The following MDGA2 variants were observed in gnomAD, a reference collection of about 807,000 sequenced individuals.
MDGA2 encodes MAM domain containing glycosylphosphatidylinositol anchor 2, also known as MAM domain-containing glycosylphosphatidylinositol anchor protein 2.
Under a neutral mutation model 117.8 loss-of-function variants are expected in MDGA2, and 40 were observed. The ratio of observed to expected loss-of-function variants is 0.34; its 90% CI spans 0.26 to 0.44. MDGA2 has a LOEUF of 0.44. Among genes scored for constraint, MDGA2 ranks in the 20% least tolerant of loss-of-function variants. The pLI is 1.00. For synonymous variants in MDGA2, 452 were observed against 439.0 expected (o/e 1.03, Z -0.37); for missense variants, 1,123 against 1,250.6 (o/e 0.90, Z 1.54).
intron 3 of MDGA2, among the ~76,000 whole-genome samples, chr14:47,215,345 A>G (rs1226950165): frequency 6.6e-6 from 1 of 152,172 alleles, no homozygotes; most frequent in Non-Finnish European, 1.5e-5. Context: ...AAGGATTATA[A>G]TTCAATTTTA....
At chr14:47,607,582 T>C (rs1235905702) in intron 1 of MDGA2, among the ~76,000 whole-genome samples, 1 of 152,062 alleles carries the variant, frequency 6.6e-6, no homozygotes, top group Non-Finnish European at 1.5e-5. Context: ...TTTTGGTTCA[T>C]AACATACAAG....
At chr14:47,542,029 G>T (rs561695145) in intron 1 of MDGA2, among the ~76,000 whole-genome samples, 1 of 152,076 alleles carries the variant, frequency 6.6e-6, no homozygotes, top group South Asian at 2.1e-4. Context: ...AACACAAAAG[G>T]GAAAGAAGAA....
At chr14:47,639,698 C>T (rs894516283) in intron 1 of MDGA2, among the ~76,000 whole-genome samples, 2 of 152,038 alleles carry the variant, frequency 1.3e-5, no homozygotes, top group Non-Finnish European at 1.5e-5. Flanking sequence ...CCATGTGTTT[C>T]CCAGTTCAGC....
At chr14:47,385,495 G>C (rs1397366608) in intron 1 of MDGA2, among the ~76,000 whole-genome samples, 1 of 151,994 alleles carries the variant, frequency 6.6e-6, no homozygotes, top group Admixed American at 6.6e-5. Context: ...ATGGCAAATA[G>C]GACATTGTTT....
chr14:47,616,064 GAT>G (rs1328281824), intron 1 of MDGA2, among the ~76,000 whole-genome samples: 2 of 152,192 alleles, frequency 1.3e-5, no homozygotes, highest in Non-Finnish European at 2.9e-5. Context: ...GAGGAAGAGA[GAT>G]CAGGACCACA....
chr14:47,103,934 C>A (rs186882593), intron 5 of MDGA2, among the ~76,000 whole-genome samples: 1 of 152,060 alleles, frequency 6.6e-6, no homozygotes, highest in Non-Finnish European at 1.5e-5. Flanking sequence ...GATATATCAG[C>A]GAACAAAAGA....
chr14:47,269,280 T>C (rs1009318309), intron 2 of MDGA2, among the ~76,000 whole-genome samples: 3 of 152,176 alleles, frequency 2.0e-5, no homozygotes, highest in Non-Finnish European at 4.4e-5. Context: ...AAACGATCCA[T>C]GGTCATCATT....
At chr14:47,316,951 A>G (rs1220483141) in intron 1 of MDGA2, among the ~76,000 whole-genome samples, 1 of 152,116 alleles carries the variant, frequency 6.6e-6, no homozygotes, top group African/African-American at 2.4e-5. Flanking sequence ...ATTTTGACAT[A>G]TATCAAACTT....
chr14:47,571,260 G>A (rs1005995932), intron 1 of MDGA2, among the ~76,000 whole-genome samples: 3 of 152,186 alleles, frequency 2.0e-5, no homozygotes, highest in African/African-American at 4.8e-5. Flanking sequence ...AACAATAGAT[G>A]CTGGAGAAGA....
At chr14:47,555,910 TG>T (rs1366820610) in intron 1 of MDGA2, among the ~76,000 whole-genome samples, 1 of 152,196 alleles carries the variant, frequency 6.6e-6, no homozygotes, top group Non-Finnish European at 1.5e-5. Flanking sequence ...TAGCCATCAG[TG>T]AGAGCAAACT....
intron 1 of MDGA2, among the ~76,000 whole-genome samples, chr14:47,474,074 A>C (rs1405961519): frequency 1.3e-5 from 2 of 152,202 alleles, no homozygotes; most frequent in African/African-American, 4.8e-5. Flanking sequence ...TCCTATATCT[A>C]GAAAACCCGA....
At chr14:47,051,831 T>C (rs561159934) in intron 7 of MDGA2, among the ~76,000 whole-genome samples, 2 of 152,036 alleles carry the variant, frequency 1.3e-5, no homozygotes, top group Admixed American at 1.3e-4. Context: ...TTGCCAATTG[T>C]GAATGGTAGG....
At chr14:47,083,707 G>A (rs1467757629) in intron 6 of MDGA2, among the ~76,000 whole-genome samples, 1 of 152,002 alleles carries the variant, frequency 6.6e-6, no homozygotes, top group Non-Finnish European at 1.5e-5. Flanking sequence ...CAAATATAAT[G>A]ATATAGGTAG....
At chr14:47,297,339 G>C (rs1889107458) in intron 2 of MDGA2, among the ~76,000 whole-genome samples, 1 of 150,574 alleles carries the variant, frequency 6.6e-6, no homozygotes, top group Non-Finnish European at 1.5e-5. Flanking sequence ...TCATTTACAA[G>C]AAGACTATAT....
chr14:46,895,733 A>AG lies in MDGA2; in HGVS notation c.2239-13513_2239-13512insC, dbSNP rs1331696572. 1.4e-5 allele frequency among the ~76,000 whole-genome samples: 2 copies of AG among 145,258 alleles called. 1 individual carries two copies. The highest frequency in any genetic ancestry group is 5.1e-5 in the African/African-American group (2 of 38,994). ...CAGAGCAAGACCCTGTCTCAAAAAG[A>AG]AAAAAAAAAAAGAATAACTAGGTAT... On this transcript the variant is annotated intron_variant, in intron 10 of 16. Coordinates refer to ENST00000399232, the MANE Select transcript of MDGA2 (RefSeq NM_001113498.3).
chr14:47,296,712 C>T (rs549276572), intron 2 of MDGA2, among the ~76,000 whole-genome samples: 46 of 152,282 alleles, frequency 3.0e-4, no homozygotes, highest in Non-Finnish European at 5.1e-4. Flanking sequence ...GGAAACTATG[C>T]TACAGCAATG....
chr14:47,059,253 A>C (rs1229026446), intron 7 of MDGA2: 1 of 1,091,300 alleles, frequency 9.2e-7, no homozygotes, highest in Non-Finnish European at 1.2e-6. Context: ...TGATGCAGAC[A>C]AAGTCTCAGA....
At chr14:46,968,656 A>C (rs1169675291) in intron 8 of MDGA2, among the ~76,000 whole-genome samples, 1 of 150,984 alleles carries the variant, frequency 6.6e-6, no homozygotes, top group Non-Finnish European at 1.5e-5. Flanking sequence ...ACATGGTGAA[A>C]CCCCATCTCT....
intron 10 of MDGA2, among the ~76,000 whole-genome samples, chr14:46,917,323 A>T (rs897717653): frequency 6.6e-6 from 1 of 152,232 alleles, no homozygotes; most frequent in African/African-American, 2.4e-5. Flanking sequence ...TACAACACTG[A>T]CAGATGAGTA....
Sources: allele counts gnomAD v4.1 joint callset (sites outside exome capture counted in the v4.1 genomes callset), GRCh38; gene constraint gnomAD v4.1.1; transcripts MANE v1.5; gene names NCBI Gene and HGNC (gene_info 2026-07-23, HGNC 2026-07-21).